Variants in CNTNAP2 observed in about 807,000 individuals in gnomAD.
The protein encoded by CNTNAP2 is contactin associated protein 2.
Under a neutral mutation model 155.2 loss-of-function variants are expected in CNTNAP2, and 98 were observed. The ratio of observed to expected loss-of-function variants is 0.63; its 90% CI spans 0.54 to 0.75. The LOEUF (loss-of-function observed/expected upper bound fraction) is 0.75, where lower values mean the gene tolerates loss of function less well. Ranked by LOEUF, CNTNAP2 falls within the 30% of genes least tolerant of loss-of-function variation. The pLI, the probability that CNTNAP2 is intolerant of heterozygous loss-of-function variation, is 0.00. For synonymous variants in CNTNAP2, 651 were observed against 631.2 expected (o/e 1.03, Z -0.47); for missense variants, 1,727 against 1,688.1 (o/e 1.02, Z -0.40).
intron 9 of CNTNAP2, among the ~76,000 whole-genome samples, chr7:147,351,321 C>A (rs146150279): frequency 6.6e-6 from 1 of 151,308 alleles, no homozygotes; most frequent in South Asian, 2.1e-4. Context: ...TGAATATAAG[C>A]ACAGGTGATA....
chr7:146,230,866 A>G (rs1031094907), intron 1 of CNTNAP2, among the ~76,000 whole-genome samples: 2 of 152,034 alleles, frequency 1.3e-5, no homozygotes, highest in Admixed American at 1.3e-4. Flanking sequence ...AATACAAAAA[A>G]TAGCCAACCA....
At chr7:147,854,498 T>C (rs993286650) in intron 13 of CNTNAP2, among the ~76,000 whole-genome samples, 1 of 152,118 alleles carries the variant, frequency 6.6e-6, no homozygotes, top group African/African-American at 2.4e-5. Flanking sequence ...GTGGCTAGGA[T>C]ACATGAAGTC....
intron 8 of CNTNAP2, among the ~76,000 whole-genome samples, chr7:147,183,564 T>C (rs2116505381): frequency 6.7e-6 from 1 of 150,226 alleles, no homozygotes; most frequent in Admixed American, 6.6e-5. Context: ...GTTAAATAAG[T>C]GTGTGTGTGT....
rs1800571327 is a variant in CNTNAP2, at chr7:146,684,991, A to C, written c.98-89280A>C. The stretch of plus-strand genomic sequence containing the variant: ...AAATCTTACTGAGAAAGTGATTAAA[A>C]ATAATCATCTTCAAGCTCACACCAA... On this transcript the variant is annotated intron_variant, in intron 1 of 23. Coordinates refer to ENST00000361727, the MANE Select transcript of CNTNAP2 (RefSeq NM_014141.6). 5.3e-5 allele frequency among the ~76,000 whole-genome samples: 8 copies of C among 152,156 alleles called. No homozygotes were observed. In the South Asian group the frequency reaches 1.7e-3, roughly 31 times the overall value.
intron 11 of CNTNAP2, among the ~76,000 whole-genome samples, chr7:147,545,508 A>G (rs533750458): frequency 6.6e-6 from 1 of 152,312 alleles, no homozygotes; most frequent in South Asian, 2.1e-4. Flanking sequence ...CACTTTATTT[A>G]CCCATGATTC....
rs775929251 is a variant in CNTNAP2 at position 146,614,971 on chromosome 7, CA to C, written c.98-159292del. On this transcript the variant is annotated intron_variant, in intron 1 of 23. Transcript: ENST00000361727. ...CAAGAATACATATAATAAAAGAAGGCAAAAAAAAGCTTTTGAAAAAAGAAAA... is the reference window on the plus strand; with the variant it reads ...CAAGAATACATATAATAAAAGAAGGCAAAAAAAGCTTTTGAAAAAAGAAAA... Among the ~76,000 whole-genome samples the C allele has an allele frequency of 5.3e-5, 8 of 150,400 alleles. No individual in the cohort carries two copies. In the East Asian group the frequency reaches 9.7e-4, roughly 18 times the overall value.
chr7:148,273,529 C>G (rs1254863794), intron 21 of CNTNAP2, among the ~76,000 whole-genome samples: 1 of 152,140 alleles, frequency 6.6e-6, no homozygotes, highest in East Asian at 1.9e-4. Context: ...TTAACTATTT[C>G]TGCCATCGCT....
At chr7:146,201,736 T>C (rs573373007) in intron 1 of CNTNAP2, among the ~76,000 whole-genome samples, 142 of 152,038 alleles carry the variant, frequency 9.3e-4, no homozygotes, top group African/African-American at 3.3e-3. Flanking sequence ...TTCAATTACA[T>C]TGTGTTTGGA....
intron 1 of CNTNAP2, among the ~76,000 whole-genome samples, chr7:146,483,281 AAAT>A (rs1563101579): frequency 3.4e-5 from 2 of 58,030 alleles, no homozygotes; most frequent in Non-Finnish European, 6.5e-5. Context: ...GTCTAAAAAA[AAAT>A]ATATATATAT....
intron 1 of CNTNAP2, among the ~76,000 whole-genome samples, chr7:146,729,709 T>G (rs1489057790): frequency 6.6e-6 from 1 of 152,108 alleles, no homozygotes; most frequent in Non-Finnish European, 1.5e-5. Context: ...TTATACCAGT[T>G]TGGTTGTTCT....
chr7:146,322,376 A>C (rs1185918475), intron 1 of CNTNAP2, among the ~76,000 whole-genome samples: 1 of 152,180 alleles, frequency 6.6e-6, no homozygotes, highest in Non-Finnish European at 1.5e-5. Context: ...CTGGTCCATT[A>C]AAAATGTGCA....
chr7:147,271,939 C>G (rs1191591537), intron 8 of CNTNAP2, among the ~76,000 whole-genome samples: 1 of 152,192 alleles, frequency 6.6e-6, no homozygotes, highest in African/African-American at 2.4e-5. Context: ...GTTGCCCAGG[C>G]TGGAGTGCTA....
chr7:146,950,947 C>T (rs1348644181), intron 3 of CNTNAP2, among the ~76,000 whole-genome samples: 1 of 152,192 alleles, frequency 6.6e-6, no homozygotes, highest in Non-Finnish European at 1.5e-5. Context: ...ACATCCTCTC[C>T]AGCATCTGTT....
intron 18 of CNTNAP2, among the ~76,000 whole-genome samples, chr7:148,174,422 C>CA (rs930383078): frequency 5.3e-5 from 8 of 151,976 alleles, no homozygotes; most frequent in African/African-American, 1.7e-4. Context: ...CTGTGACCGC[C>CA]CCCCACCTCA....
At chr7:147,781,306 A>C (rs1278052507) in intron 13 of CNTNAP2, among the ~76,000 whole-genome samples, 1 of 152,166 alleles carries the variant, frequency 6.6e-6, no homozygotes, top group East Asian at 1.9e-4. Context: ...TAAGTAGAAG[A>C]ACTGGGCTCA....
intron 1 of CNTNAP2, among the ~76,000 whole-genome samples, chr7:146,589,981 A>G (rs1030665667): frequency 3.9e-5 from 6 of 152,178 alleles, no homozygotes; most frequent in Admixed American, 1.3e-4. Flanking sequence ...AGCCCCTTTC[A>G]CTCACATTAC....
intron 3 of CNTNAP2, among the ~76,000 whole-genome samples, chr7:146,944,586 A>G (rs1439181433): frequency 6.6e-6 from 1 of 152,140 alleles, no homozygotes; most frequent in Non-Finnish European, 1.5e-5. Context: ...GCATAGAAAA[A>G]TCTTAAGGCT....
intron 15 of CNTNAP2, among the ~76,000 whole-genome samples, chr7:148,109,219 G>A (rs1209383479): frequency 6.6e-6 from 1 of 152,142 alleles, no homozygotes; most frequent in African/African-American, 2.4e-5. Context: ...TATTTCATGG[G>A]TTATCTCCTG....
At chr7:148,022,628 G>A (rs186804148) in intron 15 of CNTNAP2, among the ~76,000 whole-genome samples, 5 of 152,188 alleles carry the variant, frequency 3.3e-5, no homozygotes, top group Admixed American at 2.6e-4. Flanking sequence ...CTGCATTGGC[G>A]TGGCCTGTTT....
Sources: gnomAD v4.1 joint callset for allele counts (sites outside exome capture counted in the v4.1 genomes callset) on GRCh38, gnomAD v4.1.1 for gene constraint, MANE v1.5 for transcripts, NCBI Gene and HGNC (gene_info 2026-07-23, HGNC 2026-07-21) for gene names.